The following PREX1 variants were observed in gnomAD, a reference collection of about 807,000 sequenced individuals.
PREX1 encodes phosphatidylinositol-3,4,5-trisphosphate dependent Rac exchange factor 1, also known as phosphatidylinositol 3,4,5-trisphosphate-dependent Rac exchanger 1 protein.
In PREX1, 41 loss-of-function variants were observed where a neutral mutation model predicts 198.3. That is an observed-to-expected ratio of 0.21 (90% CI 0.16 to 0.27). The LOEUF is 0.27. Ranked by LOEUF, PREX1 falls within the 10% of genes least tolerant of loss-of-function variation. The pLI, the probability that PREX1 is intolerant of heterozygous loss-of-function variation, is 1.00. For synonymous variants in PREX1, 843 were observed against 887.2 expected, an observed-to-expected ratio of 0.95 and a Z score of 0.89; for missense variants, 1,620 against 2,200.7, an observed-to-expected ratio of 0.74 and a Z score of 5.28.
chr20:48,671,974 G>A (rs967532390), intron 14 of PREX1, among the ~76,000 whole-genome samples: 1 of 152,202 alleles, frequency 6.6e-6, no homozygotes, highest in Non-Finnish European at 1.5e-5. Context: ...CAAGATGCGG[G>A]TGCCTGGGGT....
chr20:48,853,823 G>A, the PREX1 span, among the ~76,000 whole-genome samples: 5 of 152,188 alleles, frequency 3.3e-5, no homozygotes, highest in South Asian at 4.1e-4. Flanking sequence ...ACTTAGCCTC[G>A]ATGGGGATGA....
chr20:48,766,904 T>G (rs995397626), intron 1 of PREX1, among the ~76,000 whole-genome samples: 8 of 152,200 alleles, frequency 5.3e-5, no homozygotes, highest in African/African-American at 1.9e-4. Context: ...GTGATAACAC[T>G]GCCGGCTTCA....
chr20:48,731,258 C>T (rs1187729181), intron 4 of PREX1, among the ~76,000 whole-genome samples: 1 of 152,166 alleles, frequency 6.6e-6, no homozygotes, highest in Admixed American at 6.5e-5. Context: ...TCCTCCACAT[C>T]CCTGGTTACA....
intron 16 of PREX1, among the ~76,000 whole-genome samples, chr20:48,658,757 A>T (rs1262248774): frequency 6.6e-6 from 1 of 152,190 alleles, no homozygotes; most frequent in East Asian, 1.9e-4. Context: ...ACGTAGTTGG[A>T]ATTAAAGCAC....
intron 19 of PREX1, 127 bp downstream of exon 19, chr20:48,655,163 A>G: frequency 9.6e-7 from 1 of 1,036,614 alleles, no homozygotes; most frequent in Admixed American, 3.2e-5. Flanking sequence ...CATCAGGCAA[A>G]GAAAATAAGT....
At chr20:48,734,466 G>T in intron 4 of PREX1, 80 bp downstream of exon 4, 1 of 1,207,418 alleles carries the variant, frequency 8.3e-7, no homozygotes, top group Non-Finnish European at 1.2e-6. Context: ...CCATGGGGCA[G>T]CATGAAGTCC....
At chr20:48,770,119 T>A (rs1386767707) in intron 1 of PREX1, among the ~76,000 whole-genome samples, 1 of 152,228 alleles carries the variant, frequency 6.6e-6, no homozygotes, top group Admixed American at 6.5e-5. Flanking sequence ...ATTAGAAATC[T>A]GGTTTTAAAA....
chr20:48,784,258 C>A (rs1048666392), intron 1 of PREX1, among the ~76,000 whole-genome samples: 1 of 152,158 alleles, frequency 6.6e-6, no homozygotes, highest in Non-Finnish European at 1.5e-5. Context: ...TGAAACCTTA[C>A]ATGAATGATG....
At chr20:48,884,392 C>T in the PREX1 span, among the ~76,000 whole-genome samples, 2 of 152,148 alleles carry the variant, frequency 1.3e-5, no homozygotes, top group Admixed American at 1.3e-4. Context: ...CATTTATAGT[C>T]AGTTGACTTA....
chr20:48,809,361 C>G (rs1173940608), intron 1 of PREX1, among the ~76,000 whole-genome samples: 1 of 152,210 alleles, frequency 6.6e-6, no homozygotes, highest in Non-Finnish European at 1.5e-5. Context: ...GATGCTCCCA[C>G]CTGGCATCCC....
At chr20:48,841,639 A>G in the PREX1 span, among the ~76,000 whole-genome samples, 1 of 152,332 alleles carries the variant, frequency 6.6e-6, no homozygotes, top group Non-Finnish European at 1.5e-5. Flanking sequence ...TGAATGAATG[A>G]ATGGCCTTAA....
At position 48,649,548 on chromosome 20, in the gene PREX1, C is replaced by T; in HGVS notation, c.3057G>A (p.Gln1019=). The change falls in exon 25 of 40, where the codon CAG becomes CAA. Residue 1019 remains glutamine (Q), a synonymous_variant. Coordinates refer to ENST00000371941, the MANE Select transcript of PREX1 (RefSeq NM_020820.4). ...GAGCAGCCATGGTGGTGATGCAGTG[C>T]TGGGTGTACGACATGGGGTTCAGGT... ...QGHLNPMSYT[Q]HCITTMAAPS... is the part of the protein sequence containing the mutation. The T allele has an allele frequency of 2.5e-6, 4 of 1,607,630 alleles. No individual in the cohort carries two copies. Among genetic ancestry groups the T allele is most frequent in the Non-Finnish European group, 3.4e-6 (4 of 1,176,616 alleles).
chr20:48,713,946 TG>T (rs1462037269), intron 5 of PREX1, among the ~76,000 whole-genome samples: 3 of 151,980 alleles, frequency 2.0e-5, no homozygotes, highest in African/African-American at 7.2e-5. Flanking sequence ...CTTACATTTA[TG>T]GTCAGTTAAT....
chr20:48,645,174 G>T (rs772300240), intron 26 of PREX1, among the ~76,000 whole-genome samples: 2 of 152,184 alleles, frequency 1.3e-5, no homozygotes, highest in Admixed American at 6.5e-5. Context: ...TGCGAGGACT[G>T]GGGGGAAGGT....
intron 1 of PREX1, among the ~76,000 whole-genome samples, chr20:48,766,979 C>A (rs1342187970): frequency 6.6e-6 from 1 of 152,198 alleles, no homozygotes; most frequent in Admixed American, 6.5e-5. Context: ...TGACTGATTC[C>A]TCCTCTCTGG....
chr20:48,681,038 T>C (rs114164161), intron 11 of PREX1, among the ~76,000 whole-genome samples, 197 bp downstream of exon 11: 11 of 152,370 alleles, frequency 7.2e-5, no homozygotes, highest in East Asian at 1.9e-4. Context: ...CCCCAGGTTT[T>C]TGAGGTATCC....
chr20:48,800,153 A>C (rs2090380108), intron 1 of PREX1, among the ~76,000 whole-genome samples: 1 of 152,148 alleles, frequency 6.6e-6, no homozygotes, highest in Non-Finnish European at 1.5e-5. Context: ...AGCTACTATA[A>C]TCACCCCACG....
intron 5 of PREX1, among the ~76,000 whole-genome samples, chr20:48,717,079 G>A (rs1056658257): frequency 1.3e-5 from 2 of 152,126 alleles, no homozygotes; most frequent in Non-Finnish European, 2.9e-5. Flanking sequence ...TCAGTCACTG[G>A]CAAGCGAAAT....
intron 1 of PREX1, among the ~76,000 whole-genome samples, chr20:48,751,776 G>A (rs771814071): frequency 1.4e-4 from 21 of 152,210 alleles, no homozygotes; most frequent in Non-Finnish European, 2.9e-4. Flanking sequence ...CTTTGCCCAT[G>A]CCTGGACCAC....
Sources: gnomAD v4.1 joint callset for allele counts (sites outside exome capture counted in the v4.1 genomes callset) on GRCh38, gnomAD v4.1.1 for gene constraint, MANE v1.5 for transcripts, NCBI Gene and HGNC (gene_info 2026-07-23, HGNC 2026-07-21) for gene names.